The following UGT1A10 variants were observed in gnomAD, a reference collection of about 807,000 sequenced individuals.
The protein encoded by UGT1A10 is UDP glucuronosyltransferase family 1 member A10, also known as UDP-glucuronosyltransferase 1A10.
UGT1A10 carries 49 observed loss-of-function variants against 45.8 expected under a neutral mutation model. The observed-to-expected ratio is 1.07, with a 90% confidence interval of 0.85 to 1.36. The LOEUF is 1.36. Ranked by LOEUF, UGT1A10 falls within the 40% of genes most tolerant of loss-of-function variation. UGT1A10 has a pLI of 0.00. For missense variants in UGT1A10, 745 were observed against 668.6 expected (o/e 1.11, Z -1.26); for synonymous variants, 284 against 249.7 (o/e 1.14, Z -1.29).
rs34526305 is a variant in UGT1A10 at position 233,760,428 on chromosome 2, C to T, written c.856-6606C>T. The T allele has an allele frequency of 1.7e-3, 2,732 of 1,614,194 alleles. 18 individuals carry two copies. Among genetic ancestry groups the T allele is most frequent in the Middle Eastern group, 9.2e-3 (56 of 6,062 alleles). ...ACTGGCTGAGCATGCTTGGGGCCAT[C>T]CAGCAGCTGCAGCAGAGGGGACATG... On this transcript the variant is annotated intron_variant, in intron 1 of 4. Coordinates refer to ENST00000344644, the MANE Select transcript of UGT1A10 (RefSeq NM_019075.4).
intron 1 of UGT1A10, among the ~76,000 whole-genome samples, chr2:233,685,909 A>G (rs1003561051): frequency 2.0e-5 from 3 of 152,226 alleles, no homozygotes; most frequent in Admixed American, 6.5e-5. Flanking sequence ...TTTTCAATCC[A>G]TCATTAAATT....
At chr2:233,693,911 C>G in intron 1 of UGT1A10, 1 of 1,612,432 alleles carries the variant, frequency 6.2e-7, no homozygotes, top group South Asian at 1.1e-5. Flanking sequence ...CTTCCAGGCT[C>G]TGTCCTCCCT....
At chr2:233,685,670 G>A (rs944188432) in intron 1 of UGT1A10, among the ~76,000 whole-genome samples, 3 of 152,154 alleles carry the variant, frequency 2.0e-5, no homozygotes, top group Non-Finnish European at 4.4e-5. Flanking sequence ...GGCATAATGT[G>A]TACCCATATA....
intron 1 of UGT1A10, among the ~76,000 whole-genome samples, chr2:233,649,813 A>G (rs1200655363): frequency 1.3e-5 from 2 of 152,136 alleles, no homozygotes; most frequent in Non-Finnish European, 2.9e-5. Flanking sequence ...AACTGTTACC[A>G]TGATGTTTGG....
intron 1 of UGT1A10, among the ~76,000 whole-genome samples, chr2:233,735,163 G>C (rs2078615776): frequency 7.0e-6 from 1 of 143,406 alleles, no homozygotes. Context: ...CTCTGTGTAG[G>C]TCTCTAAGAA....
chr2:233,659,210 A>C (rs1387144913), intron 1 of UGT1A10, among the ~76,000 whole-genome samples: 1 of 152,090 alleles, frequency 6.6e-6, no homozygotes, highest in African/African-American at 2.4e-5. Flanking sequence ...GCAATTGTTC[A>C]TTGCTAGTAC....
At chr2:233,747,624 ATC>A in intron 1 of UGT1A10, 1 of 1,577,546 alleles carries the variant, frequency 6.3e-7, no homozygotes, top group South Asian at 1.1e-5. Flanking sequence ...TGAGGCCCTG[ATC>A]AGGCACCTGA....
rs532756025 is a variant in UGT1A10, at chr2:233,692,941, A to C, written c.855+55564A>C. ...AGTGGTTAGTTTAGGGAAAATACCT[A>C]GGAGCCCTGTGATTTGGAGAGTGAA... On this transcript the variant is annotated intron_variant, in intron 1 of 4. Coordinates refer to ENST00000344644, the MANE Select transcript of UGT1A10 (RefSeq NM_019075.4). The C allele has an allele frequency of 2.0e-5, 32 of 1,595,742 alleles. No individual in the cohort carries two copies. In the South Asian group the frequency reaches 3.5e-4, roughly 17 times the overall value.
intron 1 of UGT1A10, chr2:233,754,389 C>A: frequency 3.3e-6 from 1 of 302,106 alleles, no homozygotes; most frequent in Non-Finnish European, 6.5e-6. Context: ...AAACAGAGGT[C>A]CTATCCGTGC....
rs575197144 is a variant in UGT1A10 at position 233,676,234 on chromosome 2, A to G, written c.855+38857A>G. ...CTTCACCGATGGATTCATCAGAAGCATGGTTGATGATGAATTCACTGATGA... is the reference window on the plus strand; with the variant it reads ...CTTCACCGATGGATTCATCAGAAGCGTGGTTGATGATGAATTCACTGATGA... On this transcript the variant is annotated intron_variant, in intron 1 of 4. Transcript: ENST00000344644. Among the ~76,000 whole-genome samples the G allele has an allele frequency of 7.2e-5, 11 of 152,306 alleles. No individual in the cohort carries two copies. In the South Asian group the frequency reaches 2.3e-3, roughly 32 times the overall value.
At chr2:233,752,806 A>T (rs1429691743) in intron 1 of UGT1A10, among the ~76,000 whole-genome samples, 1 of 152,230 alleles carries the variant, frequency 6.6e-6, no homozygotes, top group Non-Finnish European at 1.5e-5. Flanking sequence ...TGTAGAAGGA[A>T]CACTTCCCAT....
intron 1 of UGT1A10, among the ~76,000 whole-genome samples, chr2:233,671,296 C>T (rs114918870): frequency 3.2e-3 from 488 of 152,250 alleles, no homozygotes; most frequent in Non-Finnish European, 3.8e-3. Flanking sequence ...AAATAGGAGA[C>T]GGTTACTTTC....
intron 1 of UGT1A10, among the ~76,000 whole-genome samples, chr2:233,668,844 C>A (rs2074127709): frequency 6.6e-6 from 1 of 152,224 alleles, no homozygotes; most frequent in Non-Finnish European, 1.5e-5. Context: ...ATCCAGGATA[C>A]CGCATGACAT....
intron 1 of UGT1A10, chr2:233,740,766 G>A (rs189465133): frequency 3.0e-4 from 46 of 151,826 alleles, no homozygotes; most frequent in Admixed American, 7.8e-4. Context: ...TTATCAAACC[G>A]TTGTATAAAA....
intron 1 of UGT1A10, 83 bp downstream of exon 1, chr2:233,637,460 C>T (rs927029993): frequency 6.6e-6 from 10 of 1,505,844 alleles, no homozygotes; most frequent in Admixed American, 2.3e-5. Flanking sequence ...TGTGATTTGA[C>T]ATTTTCGTTT....
intron 1 of UGT1A10, among the ~76,000 whole-genome samples, chr2:233,722,234 T>C (rs551912066): frequency 1.3e-5 from 2 of 152,362 alleles, no homozygotes; most frequent in East Asian, 1.9e-4. Flanking sequence ...ATCTTTATCA[T>C]GTATTATCTG....
At chr2:233,717,510 G>T (rs1057270188) in intron 1 of UGT1A10, among the ~76,000 whole-genome samples, 6 of 152,198 alleles carry the variant, frequency 3.9e-5, no homozygotes, top group Admixed American at 3.9e-4. Context: ...ATTTCTAATG[G>T]GAGTAACTTC....
chr2:233,757,535 A>AATATATATACATATAT (rs376887521), intron 1 of UGT1A10, among the ~76,000 whole-genome samples: 314 of 87,900 alleles, frequency 3.6e-3, no homozygotes, highest in Non-Finnish European at 5.4e-3. Context: ...GCCTGTAAGG[A>AATATATATACATATAT]ATATATATAT....
At chr2:233,655,939 A>C (rs996781894) in intron 1 of UGT1A10, among the ~76,000 whole-genome samples, 8 of 152,258 alleles carry the variant, frequency 5.3e-5, no homozygotes, top group African/African-American at 1.9e-4. Context: ...TTACAGAATT[A>C]TAAGTTTGGA....
Sources: gnomAD v4.1 joint callset for allele counts (sites outside exome capture counted in the v4.1 genomes callset) on GRCh38, gnomAD v4.1.1 for gene constraint, MANE v1.5 for transcripts, NCBI Gene and HGNC (gene_info 2026-07-23, HGNC 2026-07-21) for gene names.